RAB2A: variants seen among roughly 807,000 people sequenced by gnomAD.
The protein encoded by RAB2A is RAB2A, member RAS oncogene family.
A neutral mutation model predicts 32.5 loss-of-function variants in RAB2A; 7 were observed. The ratio of observed to expected loss-of-function variants is 0.22; its 90% confidence interval spans 0.12 to 0.40. The LOEUF (loss-of-function observed/expected upper bound fraction) is 0.40, where lower values mean the gene tolerates loss of function less well. Ranked by LOEUF, RAB2A falls within the 10% of genes least tolerant of loss-of-function variation. RAB2A has a pLI of 1.00. For synonymous variants in RAB2A, 79 were observed against 85.2 expected, an observed-to-expected ratio of 0.93 and a Z score of 0.40; for missense variants, 108 against 260.7, an observed-to-expected ratio of 0.41 and a Z score of 4.03.
At chr8:60,573,561 T>C (rs1014072691) in intron 3 of RAB2A, among the ~76,000 whole-genome samples, 3 of 152,200 alleles carry the variant, frequency 2.0e-5, no homozygotes, top group African/African-American at 7.2e-5. Flanking sequence ...TTTTTTTGCC[T>C]CTTCTTCCTC....
At chr8:60,574,052 ACT>A (rs1808234628) in intron 3 of RAB2A, among the ~76,000 whole-genome samples, 1 of 152,264 alleles carries the variant, frequency 6.6e-6, no homozygotes, top group South Asian at 2.1e-4. Flanking sequence ...TGTGAACCAG[ACT>A]ACTGTTATTC....
chr8:60,591,026 A>G (rs559037136), intron 5 of RAB2A, among the ~76,000 whole-genome samples: 4 of 152,078 alleles, frequency 2.6e-5, no homozygotes, highest in Non-Finnish European at 2.9e-5. Context: ...TCTGGCAAAT[A>G]ATATGTCAAG....
chr8:60,587,458 A>G (rs1356343336), intron 5 of RAB2A, among the ~76,000 whole-genome samples: 1 of 152,212 alleles, frequency 6.6e-6, no homozygotes. Context: ...AACATTTCTT[A>G]AATGGGACAG....
chr8:60,618,677 TATTA>T (rs749427349), intron 7 of RAB2A, 29 bp downstream of exon 7: 6 of 912,424 alleles, frequency 6.6e-6, no homozygotes, highest in Admixed American at 3.3e-5. Flanking sequence ...TGTTGGTCAA[TATTA>T]ATTTAGAGTT....
intron 5 of RAB2A, among the ~76,000 whole-genome samples, chr8:60,590,282 A>T (rs1563479899): frequency 6.6e-6 from 1 of 151,912 alleles, no homozygotes; most frequent in Non-Finnish European, 1.5e-5. Flanking sequence ...TTTTAAAAAA[A>T]AATTCTGATT....
intron 6 of RAB2A, among the ~76,000 whole-genome samples, chr8:60,616,629 A>G (rs1804452723): frequency 6.6e-6 from 1 of 152,264 alleles, no homozygotes; most frequent in Non-Finnish European, 1.5e-5. Flanking sequence ...TAGCACATAC[A>G]TGAAAAGCGC....
At chr8:60,567,239 C>T (rs897138010) in intron 2 of RAB2A, among the ~76,000 whole-genome samples, 1 of 151,898 alleles carries the variant, frequency 6.6e-6, no homozygotes, top group African/African-American at 2.4e-5. Context: ...CCTCAGCCTC[C>T]CGAGTAGCTG....
At chr8:60,537,552 A>G (rs1807577103) in intron 1 of RAB2A, among the ~76,000 whole-genome samples, 1 of 152,176 alleles carries the variant, frequency 6.6e-6, no homozygotes, top group African/African-American at 2.4e-5. Flanking sequence ...GCTAGTTCCA[A>G]TCCACTAAAT....
chr8:60,525,026 A>ATTC (rs1365300987), intron 1 of RAB2A, among the ~76,000 whole-genome samples: 23 of 152,206 alleles, frequency 1.5e-4, no homozygotes, highest in Non-Finnish European at 1.5e-5. Context: ...TTATCTGTTA[A>ATTC]TTCTTCAACA....
intron 1 of RAB2A, among the ~76,000 whole-genome samples, chr8:60,537,379 G>A (rs191747621): frequency 2.3e-4 from 35 of 152,188 alleles, no homozygotes; most frequent in African/African-American, 5.3e-4. Context: ...GTGCTACCAC[G>A]CCCAGCTAAT....
At chr8:60,549,588 A>G (rs35959880) in intron 1 of RAB2A, among the ~76,000 whole-genome samples, 546 of 150,292 alleles carry the variant, frequency 3.6e-3, no homozygotes, top group Non-Finnish European at 6.0e-3. Flanking sequence ...TGTAATGTGG[A>G]GTGTCTGTCT....
At chr8:60,523,817 A>G (rs970838385) in intron 1 of RAB2A, among the ~76,000 whole-genome samples, 1 of 151,756 alleles carries the variant, frequency 6.6e-6, no homozygotes, top group East Asian at 1.9e-4. Flanking sequence ...CAGCCTCCCA[A>G]GTAGCTGGGA....
intron 6 of RAB2A, among the ~76,000 whole-genome samples, chr8:60,617,926 C>T (rs1332990115): frequency 6.6e-6 from 1 of 152,192 alleles, no homozygotes; most frequent in East Asian, 1.9e-4. Context: ...CTTTCTGTCT[C>T]CATGGATTTG....
At chr8:60,609,610 T>C (rs1443639988) in intron 6 of RAB2A, among the ~76,000 whole-genome samples, 1 of 152,190 alleles carries the variant, frequency 6.6e-6, no homozygotes. Flanking sequence ...TTGTTACATG[T>C]AGGTAGAATT....
rs939100740 is a variant in RAB2A at position 60,547,134 on chromosome 8, A to G, written c.47-11718A>G. On this transcript the variant is annotated intron_variant, in intron 1 of 7. Transcript: ENST00000262646. ...TGCTGCCTTCAAGCATCTGTTTAAC[A>G]AAGCACATCTTGCACCGCCCTTAAT... 2.1e-4 allele frequency among the ~76,000 whole-genome samples: 32 copies of G among 151,510 alleles called. 1 individual carries two copies. Among genetic ancestry groups the G allele is most frequent in the Non-Finnish European group, 3.7e-4 (25 of 67,882 alleles).
chr8:60,519,425 CG>C (rs772361618), intron 1 of RAB2A, among the ~76,000 whole-genome samples: 12 of 152,124 alleles, frequency 7.9e-5, no homozygotes, highest in Non-Finnish European at 1.8e-4. Flanking sequence ...GAGTGCTTTC[CG>C]GCACAATCTC....
At chr8:60,547,187 A>C (rs1380996753) in intron 1 of RAB2A, among the ~76,000 whole-genome samples, 2 of 151,982 alleles carry the variant, frequency 1.3e-5, no homozygotes, top group Non-Finnish European at 2.9e-5. Flanking sequence ...GATACAGCAC[A>C]TGTTTCAGAG....
intron 6 of RAB2A, among the ~76,000 whole-genome samples, chr8:60,616,605 C>T (rs117405540): frequency 6.6e-6 from 1 of 152,382 alleles, no homozygotes; most frequent in East Asian, 1.9e-4. Context: ...CCAGTTCCCT[C>T]TTCAGTTTAG....
chr8:60,539,599 A>G (rs1467094189), intron 1 of RAB2A, among the ~76,000 whole-genome samples: 1 of 152,230 alleles, frequency 6.6e-6, no homozygotes, highest in Non-Finnish European at 1.5e-5. Context: ...GTAGGACTAA[A>G]TGCAATTGTG....
Sources: allele counts gnomAD v4.1 joint callset (sites outside exome capture counted in the v4.1 genomes callset), GRCh38; gene constraint gnomAD v4.1.1; transcripts MANE v1.5; gene names NCBI Gene and HGNC (gene_info 2026-07-23, HGNC 2026-07-21).